TIAM2: variants seen among roughly 807,000 people sequenced by gnomAD.
TIAM2 encodes TIAM Rac1 associated GEF 2.
TIAM2 carries 80 observed loss-of-function variants against 152.9 expected under a neutral mutation model. The observed-to-expected ratio is 0.52, with a 90% CI of 0.44 to 0.63. The LOEUF (loss-of-function observed/expected upper bound fraction) is 0.63, where lower values mean the gene tolerates loss of function less well. Among genes scored for constraint, TIAM2 ranks in the 30% least tolerant of loss-of-function variants. TIAM2 has a pLI of 0.00. For synonymous variants in TIAM2, 804 were observed against 838.0 expected (o/e 0.96, Z 0.70); for missense variants, 1,965 against 2,120.1 (o/e 0.93, Z 1.44).
intron 15 of TIAM2, among the ~76,000 whole-genome samples, chr6:155,233,327 A>G (rs1002250281): frequency 5.3e-5 from 8 of 152,214 alleles, no homozygotes; most frequent in African/African-American, 1.9e-4. Flanking sequence ...CATCAAGAGG[A>G]GGCCATCATG....
chr6:155,226,742 C>T (rs12200419), intron 15 of TIAM2, among the ~76,000 whole-genome samples: 33,447 of 152,032 alleles, frequency 0.22, 4,184 homozygotes, highest in African/African-American at 0.35. Context: ...TCTTTAAGAA[C>T]TCATAATTTG....
chr6:155,226,666 G>C (rs9480092), intron 15 of TIAM2, among the ~76,000 whole-genome samples: 1 of 148,374 alleles, frequency 6.7e-6, no homozygotes. Context: ...ACTGCATCTC[G>C]GGTGGGGGCG....
intron 5 of TIAM2, among the ~76,000 whole-genome samples, chr6:155,142,336 G>A (rs527837110): frequency 3.2e-4 from 48 of 152,300 alleles, no homozygotes; most frequent in African/African-American, 1.1e-3. Context: ...TTGATTTCAT[G>A]CCTCCAAGTT....
chr6:155,144,923 C>A (rs992401560), intron 6 of TIAM2, 145 bp downstream of exon 6: 1 of 898,100 alleles, frequency 1.1e-6, no homozygotes, highest in African/African-American at 1.7e-5. Flanking sequence ...TGTTGGCTTC[C>A]GCTGACTGCC....
chr6:155,082,482 C>T (rs1394683634), intron 1 of TIAM2, among the ~76,000 whole-genome samples: 4 of 151,902 alleles, frequency 2.6e-5, no homozygotes, highest in Non-Finnish European at 4.4e-5. Context: ...GAAATCCTGT[C>T]TCTACTAAAA....
intron 14 of TIAM2, among the ~76,000 whole-genome samples, chr6:155,208,887 C>T (rs963671816): frequency 6.6e-6 from 1 of 152,110 alleles, no homozygotes; most frequent in Non-Finnish European, 1.5e-5. Flanking sequence ...TCTGTGCAGC[C>T]ACACTCGGCA....
chr6:155,130,081 C>T lies in TIAM2; in HGVS notation c.858C>T (p.Ala286=). 6.2e-7 allele frequency: 1 copy of T among 1,614,038 alleles called. No homozygotes were observed. Among genetic ancestry groups the T allele is most frequent in the Non-Finnish European group, 8.5e-7 (1 of 1,180,022 alleles). ...ATGCCAGCTTCCCACCTGGCGATGC[C>T]AAAAAGCCTTTCAACCAAAGCTCTT... is the stretch of plus-strand genomic sequence containing the variant. ...SLHASFPPGD[A]KKPFNQSSSL... The change falls in exon 4 of 27, where the codon GCC becomes GCT. Residue 286 remains alanine, a synonymous_variant. Transcript: ENST00000682666.
At chr6:155,165,942 A>T (rs1562338780) in intron 9 of TIAM2, among the ~76,000 whole-genome samples, 1 of 152,188 alleles carries the variant, frequency 6.6e-6, no homozygotes, top group African/African-American at 2.4e-5. Flanking sequence ...AACAGAAAAA[A>T]TAAGAATAAT....
At chr6:155,028,829 T>TA (rs1554225385) in intron 1 of TIAM2, among the ~76,000 whole-genome samples, 1 of 128,564 alleles carries the variant, frequency 7.8e-6, no homozygotes, top group Non-Finnish European at 1.5e-5. Flanking sequence ...ATATACTGTG[T>TA]TATATATATA....
Position 155,144,669 on chromosome 6 carries a change from G to A in TIAM2, c.1694G>A (p.Arg565Gln), listed in dbSNP as rs754832277. Residue 565 changes from arginine to glutamine, a missense_variant, in exon 6 of 27, where the codon CGG becomes CAG. By Grantham distance (43) the Arg-to-Gln change is conservative. Around this residue, in one of 3 missense-constraint regions of TIAM2, gnomAD observed 1,025 missense variants for 1,119.4 expected, o/e 0.92. Coordinates refer to ENST00000682666, the MANE Select transcript of TIAM2 (RefSeq NM_012454.4). ...TCCATGGATCAGAGCAGTGCCCCTC[G>A]GTGTGCTCTGTTTGCAGAAGACAGC... ...KNSMDQSSAPRCALFAEDSIV... is the reference protein window; with the variant it reads ...KNSMDQSSAPQCALFAEDSIV... 2.0e-5 allele frequency: 32 copies of A among 1,605,754 alleles called. No homozygotes were observed. In the East Asian group the frequency reaches 3.6e-4, roughly 18 times the overall value.
Position 155,129,770 on chromosome 6 carries a change from C to T in TIAM2, c.547C>T (p.Pro183Ser). The T allele has an allele frequency of 1.2e-6, 2 of 1,613,886 alleles. No homozygotes were observed. Among genetic ancestry groups the T allele is most frequent in the Non-Finnish European group, 1.7e-6 (2 of 1,180,036 alleles). ...GGTCGAGTTCCACAATGGTGGCAAC[C>T]CCAGCAAAGTGCCTGCAGAGGACTG... is the stretch of plus-strand genomic sequence containing the variant. ...LRVEFHNGGN[P>S]SKVPAEDCSE... Residue 183 changes from proline (P) to serine (S), a missense_variant, in exon 4 of 27, where the codon CCC (proline) becomes TCC (serine). By Grantham distance (74) the Pro-to-Ser change is moderately conservative. Coordinates refer to ENST00000682666, the MANE Select transcript of TIAM2 (RefSeq NM_012454.4). The surrounding 1 kb of genome is among the most constrained non-coding windows in gnomAD (Gnocchi z 4.8).
chr6:155,237,177 G>A (rs76081087), intron 15 of TIAM2, among the ~76,000 whole-genome samples: 1 of 152,314 alleles, frequency 6.6e-6, no homozygotes, highest in South Asian at 2.1e-4. Flanking sequence ...CAAAATAAAG[G>A]GGCTCCAGGC....
chr6:155,192,324 A>G (rs1369493013), intron 14 of TIAM2, among the ~76,000 whole-genome samples: 1 of 152,184 alleles, frequency 6.6e-6, no homozygotes, highest in African/African-American at 2.4e-5. Context: ...AAAAAAAACA[A>G]CACAGTTCTG....
intron 1 of TIAM2, among the ~76,000 whole-genome samples, chr6:155,041,331 G>C (rs4487593): frequency 0.25 from 37,327 of 152,040 alleles, 4,664 homozygotes; most frequent in Middle Eastern, 0.29. Flanking sequence ...ATTGAAAGTT[G>C]CTCTACTTAT....
intron 1 of TIAM2, among the ~76,000 whole-genome samples, chr6:155,061,235 T>A (rs564536466): frequency 7.5e-4 from 114 of 152,190 alleles, no homozygotes; most frequent in Non-Finnish European, 1.5e-3. Context: ...ATAAACATGT[T>A]CATAATGATA....
intron 1 of TIAM2, among the ~76,000 whole-genome samples, chr6:155,029,309 G>GTT (rs1247974854): frequency 8.7e-6 from 1 of 115,166 alleles, no homozygotes; most frequent in Non-Finnish European, 1.7e-5. Flanking sequence ...TGTACTATGT[G>GTT]TTATATATAC....
intron 15 of TIAM2, among the ~76,000 whole-genome samples, chr6:155,219,616 G>C (rs73577460): frequency 0.019 from 2,830 of 152,246 alleles, 90 homozygotes; most frequent in African/African-American, 0.064. Context: ...TAGTGAGTTG[G>C]ATTTTTTTTT....
intron 1 of TIAM2, among the ~76,000 whole-genome samples, chr6:155,027,797 T>G (rs1335103533): frequency 1.1e-5 from 1 of 93,630 alleles, no homozygotes; most frequent in Non-Finnish European, 2.0e-5. Context: ...CTGTGTTACA[T>G]ATATACTATA....
At chr6:155,162,887 C>T (rs1562337505) in intron 7 of TIAM2, among the ~76,000 whole-genome samples, 3 of 152,164 alleles carry the variant, frequency 2.0e-5, no homozygotes, top group African/African-American at 7.2e-5. Context: ...CACTGTTTTG[C>T]TGACAAATGA....
Sources: gnomAD v4.1 joint callset for allele counts (sites outside exome capture counted in the v4.1 genomes callset) on GRCh38, gnomAD v4.1.1 for gene constraint, gnomAD v4.1.1 regional missense constraint, Gnocchi (gnomAD v3.1) non-coding constraint, MANE v1.5 for transcripts, NCBI Gene and HGNC (gene_info 2026-07-23, HGNC 2026-07-21) for gene names.